ZFP3: variants seen among roughly 807,000 people sequenced by gnomAD.
ZFP3 encodes the protein ZFP3 zinc finger protein.
In ZFP3, 18 loss-of-function variants were observed where a neutral mutation model predicts 36.7. That is an observed-to-expected ratio of 0.49 (90% CI 0.34 to 0.73). The LOEUF (loss-of-function observed/expected upper bound fraction) is 0.73, where lower values mean the gene tolerates loss of function less well. Among genes scored for constraint, ZFP3 ranks in the 30% least tolerant of loss-of-function variants. The pLI, the probability that ZFP3 is intolerant of heterozygous loss-of-function variation, is 0.01. For missense variants in ZFP3, 495 were observed against 599.0 expected (o/e 0.83, Z 1.81); for synonymous variants, 218 against 199.0 (o/e 1.10, Z -0.81).
chr17:5,092,355 A>G lies in ZFP3; in HGVS notation c.851A>G (p.Asn284Ser), dbSNP rs140368427. 2.6e-4 allele frequency: 417 copies of G among 1,614,208 alleles called. 3 individuals carry two copies. The East Asian group carries it at 6.3e-3, about 24-fold the overall frequency. ...ACTGAAGAAAGATACCATGAATGCA[A>G]TGAGTGTGGCAAAGCCTTCAAGCAT... ...IHTEERYHECNECGKAFKHSS... is the reference protein window; with the variant it reads ...IHTEERYHECSECGKAFKHSS... Residue 284 changes from asparagine (N) to serine (S), a missense_variant, in exon 2 of 2, where the codon AAT becomes AGT. Asn to Ser is a conservative substitution (Grantham distance 46, BLOSUM62 1). Coordinates refer to ENST00000318833, the MANE Select transcript of ZFP3 (RefSeq NM_153018.3). This position sits in a 1 kb window ranked among gnomAD's most constrained non-coding sequence, Gnocchi z 5.0.
intron 1 of ZFP3, among the ~76,000 whole-genome samples, chr17:5,086,216 TAGG>T (rs1567748845): frequency 1.3e-5 from 2 of 152,126 alleles, no homozygotes; most frequent in South Asian, 2.1e-4. Flanking sequence ...AGGATTCCAG[TAGG>T]AGATCAGGTT....
chr17:5,090,715 G>A (rs2072145388), intron 1 of ZFP3, among the ~76,000 whole-genome samples: 1 of 151,910 alleles, frequency 6.6e-6, no homozygotes, highest in Non-Finnish European at 1.5e-5. Flanking sequence ...CTGTCACCCA[G>A]CCTGGAGTGC....
At chr17:5,086,932 G>A (rs2072124652) in intron 1 of ZFP3, among the ~76,000 whole-genome samples, 1 of 151,540 alleles carries the variant, frequency 6.6e-6, no homozygotes, top group African/African-American at 2.4e-5. Context: ...GTTTCACCGT[G>A]TTAGCCAAGA....
chr17:5,086,723 T>TC (rs1303678144), intron 1 of ZFP3, among the ~76,000 whole-genome samples: 19 of 146,694 alleles, frequency 1.3e-4, no homozygotes, highest in African/African-American at 4.6e-4. Flanking sequence ...ACATTTTCTT[T>TC]CTTTTTTTTT....
intron 1 of ZFP3, among the ~76,000 whole-genome samples, chr17:5,086,269 C>G (rs1454405109): frequency 6.6e-6 from 1 of 152,070 alleles, no homozygotes; most frequent in Non-Finnish European, 1.5e-5. Context: ...ACCAGGCTGC[C>G]CTGATGAGTG....
At chr17:5,084,948 C>T (rs1412647552) in intron 1 of ZFP3, among the ~76,000 whole-genome samples, 2 of 151,994 alleles carry the variant, frequency 1.3e-5, no homozygotes, top group Admixed American at 6.6e-5. Flanking sequence ...AGAAGATACC[C>T]ATAGAGCAGT....
At chr17:5,079,241 G>A (rs573896785) in intron 1 of ZFP3, among the ~76,000 whole-genome samples, 1 of 152,342 alleles carries the variant, frequency 6.6e-6, no homozygotes, top group Admixed American at 6.5e-5. Flanking sequence ...TATTACAGAG[G>A]CTGGGTGCAG....
Position 5,088,179 on chromosome 17 carries a change from C to A in ZFP3, c.-8-3318C>A, listed in dbSNP as rs1011424025. 2.0e-5 allele frequency among the ~76,000 whole-genome samples: 3 copies of A among 152,284 alleles called. 1 individual carries two copies. ...TTTGTCCAAAACAGAGCTCACTGATCATCTTTTATTGCTATATTAGCTCCT... is the reference window on the plus strand; with the variant it reads ...TTTGTCCAAAACAGAGCTCACTGATAATCTTTTATTGCTATATTAGCTCCT... On this transcript the variant is annotated intron_variant, in intron 1 of 1. Coordinates refer to ENST00000318833, the MANE Select transcript of ZFP3 (RefSeq NM_153018.3).
At chr17:5,079,772 G>C (rs537316141) in intron 1 of ZFP3, among the ~76,000 whole-genome samples, 1 of 152,292 alleles carries the variant, frequency 6.6e-6, no homozygotes, top group Non-Finnish European at 1.5e-5. Flanking sequence ...GGGCGTGATG[G>C]CTCATGCCTG....
chr17:5,091,991 C>A lies in ZFP3; in HGVS notation c.487C>A (p.His163Asn). 1 of 1,614,176 alleles carries A rather than the reference C, an allele frequency of 6.2e-7. No individual in the cohort carries two copies. The highest frequency in any genetic ancestry group is 8.5e-7 in the Non-Finnish European group (1 of 1,180,030). ...NSHLIQHMRV[H>N]SGEKPFECKE... ...ACATCTCATCCAGCATATGAGAGTT[C>A]ATAGTGGAGAAAAACCCTTTGAATG... is the stretch of plus-strand genomic sequence containing the variant. Residue 163 changes from histidine (H) to asparagine (N), a missense_variant, in exon 2 of 2, where the codon CAT (histidine) becomes AAT (asparagine). His to Asn is a moderately conservative substitution (Grantham distance 68). This residue lies in a region of ZFP3 where 229 missense variants were observed against 233.8 expected (regional missense o/e 0.98). Transcript: ENST00000318833.
intron 1 of ZFP3, among the ~76,000 whole-genome samples, chr17:5,084,044 T>A (rs555108199): frequency 6.6e-6 from 1 of 151,828 alleles, no homozygotes; most frequent in East Asian, 1.9e-4. Context: ...TTTTTGTATT[T>A]TTGTAGAGAT....
chr17:5,081,726 C>T (rs370442456), intron 1 of ZFP3, among the ~76,000 whole-genome samples: 20 of 151,652 alleles, frequency 1.3e-4, no homozygotes, highest in East Asian at 1.2e-3. Context: ...CTCAGCCTCC[C>T]GAGTAGCTGG....
chr17:5,082,786 T>G (rs1380161374), intron 1 of ZFP3, among the ~76,000 whole-genome samples: 1 of 152,150 alleles, frequency 6.6e-6, no homozygotes, highest in Non-Finnish European at 1.5e-5. Context: ...CACCTTAGCC[T>G]CTCAAAGTGC....
At chr17:5,080,254 C>T (rs1244303247) in intron 1 of ZFP3, among the ~76,000 whole-genome samples, 2 of 152,150 alleles carry the variant, frequency 1.3e-5, no homozygotes, top group Non-Finnish European at 2.9e-5. Context: ...CAGCAAACGT[C>T]CTCAAAATAT....
rs76808055 is a variant in ZFP3, at chr17:5,079,009, T to C, written c.-9+434T>C. Among the ~76,000 whole-genome samples, 19 of 152,062 alleles carry C rather than the reference T, an allele frequency of 1.2e-4. No individual in the cohort carries two copies. The East Asian group carries it at 3.7e-3, about 29-fold the overall frequency. On this transcript the variant is annotated intron_variant, in intron 1 of 1. Transcript: ENST00000318833. ...CAAGATATTGGCTTATGAGGGGTGG[T>C]CGTGAAAAGGAGACAGGTTTGAGCT...
At position 5,095,614 on chromosome 17, in the gene ZFP3, A is replaced by G. The variant is rs144200829; in HGVS notation, c.*2601A>G. ...ACTGAAGATAGTGTGTAAGCAAAGG[A>G]GAAGAGTTCACATTGTGCATCCTAT... On this transcript the variant is annotated 3_prime_UTR_variant, in exon 2 of 2. Coordinates refer to ENST00000318833, the MANE Select transcript of ZFP3 (RefSeq NM_153018.3). 1.8e-5 allele frequency: 3 copies of G among 167,024 alleles called. No homozygotes were observed. The highest frequency in any genetic ancestry group is 1.3e-4 in the Admixed American group (2 of 15,264). 10.3% of individuals were successfully genotyped at this position (167,024 alleles called of 1,614,324 possible).
Position 5,093,226 on chromosome 17 carries a change from G to A in ZFP3, c.*213G>A. On this transcript the variant is annotated 3_prime_UTR_variant, in exon 2 of 2. Coordinates refer to ENST00000318833, the MANE Select transcript of ZFP3 (RefSeq NM_153018.3). ...GGGGTCTTGCTCTGTTGCCCAGGAT[G>A]GGATGCAGTGGCACAGTCGTAACTC... 1 of 513,372 alleles carries A rather than the reference G, an allele frequency of 1.9e-6. No individual in the cohort carries two copies. The highest frequency in any genetic ancestry group is 3.5e-5 in the South Asian group (1 of 28,566). 31.8% of individuals were successfully genotyped at this position (513,372 alleles called of 1,614,324 possible). A position where few individuals can be genotyped will look rare whatever the true frequency, so the allele number is the denominator to read the frequency against.
At chr17:5,086,132 G>A (rs888592562) in intron 1 of ZFP3, among the ~76,000 whole-genome samples, 1 of 152,236 alleles carries the variant, frequency 6.6e-6, no homozygotes, top group Non-Finnish European at 1.5e-5. Context: ...AATGAGAGAA[G>A]ATGCTGAGAT....
chr17:5,092,035 A>G lies in ZFP3; in HGVS notation c.531A>G (p.Thr177=), dbSNP rs746393392. The G allele has an allele frequency of 1.2e-5, 20 of 1,614,100 alleles. No individual in the cohort carries two copies. Among genetic ancestry groups the G allele is most frequent in the Non-Finnish European group, 1.7e-5 (20 of 1,180,028 alleles). ...TTGAATGTAAAGAATGTGGAAAGAC[A>G]TTTGGAACTAATTCAAGCCTTCGAC... ...KPFECKECGK[T]FGTNSSLRRH... is the part of the protein sequence containing the mutation. Residue 177 remains threonine, a synonymous_variant, in exon 2 of 2, where the codon ACA becomes ACG. Coordinates refer to ENST00000318833, the MANE Select transcript of ZFP3 (RefSeq NM_153018.3). This position sits in a 1 kb window ranked among gnomAD's most constrained non-coding sequence, Gnocchi z 5.0.
Sources: gnomAD v4.1 joint callset for allele counts (sites outside exome capture counted in the v4.1 genomes callset) on GRCh38, gnomAD v4.1.1 for gene constraint, gnomAD v4.1.1 regional missense constraint, Gnocchi (gnomAD v3.1) non-coding constraint, MANE v1.5 for transcripts, NCBI Gene and HGNC (gene_info 2026-07-23, HGNC 2026-07-21) for gene names.